Variants in KPNA3 observed in about 807,000 individuals in gnomAD.
KPNA3 encodes importin subunit alpha-4.
KPNA3 carries 13 observed loss-of-function variants against 73.8 expected under a neutral mutation model. That is an observed-to-expected ratio of 0.18 (90% CI 0.11 to 0.28). The LOEUF is 0.28. Ranked by LOEUF, KPNA3 falls within the 10% of genes least tolerant of loss-of-function variation. The pLI is 1.00. For synonymous variants in KPNA3, 186 were observed against 206.9 expected, an observed-to-expected ratio of 0.90 and a Z score of 0.87; for missense variants, 360 against 618.1, an observed-to-expected ratio of 0.58 and a Z score of 4.43.
chr13:49,747,995 T>C (rs1409339289), intron 1 of KPNA3, among the ~76,000 whole-genome samples: 2 of 152,152 alleles, frequency 1.3e-5, no homozygotes, highest in Non-Finnish European at 2.9e-5. Flanking sequence ...TCTATAACTC[T>C]GAATCTTAAG....
Position 49,741,470 on chromosome 13 carries a change from T to G in KPNA3, c.114+5479A>C, listed in dbSNP as rs541212179. ...GCTCTTTTGCCCTTTTTTTTTTTTT[T>G]TGAGATGGAGTCTTGTTCTGTCACC... On this transcript the variant is annotated intron_variant, in intron 2 of 16. Coordinates refer to ENST00000261667, the MANE Select transcript of KPNA3 (RefSeq NM_002267.4). Among the ~76,000 whole-genome samples, 13 of 151,942 alleles carry G rather than the reference T, an allele frequency of 8.6e-5. No individual in the cohort carries two copies. The East Asian group carries it at 2.5e-3, about 29-fold the overall frequency.
chr13:49,744,570 T>G (rs1954600575), intron 2 of KPNA3, among the ~76,000 whole-genome samples: 1 of 152,220 alleles, frequency 6.6e-6, no homozygotes, highest in African/African-American at 2.4e-5. Flanking sequence ...GCTACTGGAC[T>G]AATTACATAG....
At position 49,750,489 on chromosome 13, in the gene KPNA3, T is replaced by C. The variant is rs567801416; in HGVS notation, c.70-3496A>G. On this transcript the variant is annotated intron_variant, in intron 1 of 16. Coordinates refer to ENST00000261667, the MANE Select transcript of KPNA3 (RefSeq NM_002267.4). ...CATTTTTTGTAGAGGTAGTATCTCA[T>C]TGTGCTCATGTGTGCACCTACAGTT... Among the ~76,000 whole-genome samples the C allele has an allele frequency of 3.0e-4, 45 of 152,198 alleles. No individual in the cohort carries two copies. In the South Asian group the frequency reaches 8.7e-3, roughly 29 times the overall value.
chr13:49,700,709 A>C lies in KPNA3; in HGVS notation c.*1091T>G, dbSNP rs1446939515. 6.6e-6 allele frequency: 1 copy of C among 152,658 alleles called. No homozygotes were observed. The allele number at this position is 152,658 out of a possible 1,614,324, so 9.5% of individuals were successfully genotyped here. A position where few individuals can be genotyped will look rare whatever the true frequency, so the allele number is the denominator to read the frequency against. The stretch of plus-strand genomic sequence containing the variant: ...GGTTTGTTGCCAACCACATTATCAA[A>C]AGCACTGGTTACTAAGTAAAAAATA... On this transcript the variant is annotated 3_prime_UTR_variant, in exon 17 of 17. Coordinates refer to ENST00000261667, the MANE Select transcript of KPNA3 (RefSeq NM_002267.4).
chr13:49,716,583 C>T (rs1954306025), intron 10 of KPNA3, among the ~76,000 whole-genome samples: 1 of 152,076 alleles, frequency 6.6e-6, no homozygotes, highest in Non-Finnish European at 1.5e-5. Flanking sequence ...GGATTACAGG[C>T]ACGCATCATG....
chr13:49,716,450 T>A (rs1023174990), intron 10 of KPNA3, among the ~76,000 whole-genome samples: 3 of 152,166 alleles, frequency 2.0e-5, no homozygotes, highest in Non-Finnish European at 2.9e-5. Context: ...TTTAATTATT[T>A]TTTTTTAACA....
At chr13:49,732,196 G>A (rs1382721102) in intron 6 of KPNA3, among the ~76,000 whole-genome samples, 175 bp downstream of exon 6, 3 of 152,030 alleles carry the variant, frequency 2.0e-5, no homozygotes, top group African/African-American at 7.2e-5. Context: ...AAATGAAAAC[G>A]AGAAGCACTC....
Position 49,792,069 on chromosome 13 carries a change from G to A in KPNA3, c.69+369C>T, listed in dbSNP as rs542227325. Among the ~76,000 whole-genome samples the A allele has an allele frequency of 2.0e-3, 310 of 152,274 alleles. 1 individual carries two copies. The highest frequency in any genetic ancestry group is 5.7e-3 in the African/African-American group (236 of 41,572). On this transcript the variant is annotated intron_variant, in intron 1 of 16. Transcript: ENST00000261667. ...GCACCGGTGGCGGGCGCAAGCAGCG[G>A]CCGCCCCCTCGGCTGTGCGGTCGGA...
chr13:49,764,118 GTTTGTTTTGTTTTGT>G (rs143847411), intron 1 of KPNA3, among the ~76,000 whole-genome samples: 62,194 of 146,422 alleles, frequency 0.42, 13,683 homozygotes, highest in South Asian at 0.59. Flanking sequence ...AGTCTGTTGG[GTTTGTTTTGTTTTGT>G]TTTGTTTTGT....
chr13:49,775,620 CG>C (rs1566360019), intron 1 of KPNA3, among the ~76,000 whole-genome samples: 2 of 152,140 alleles, frequency 1.3e-5, no homozygotes, highest in Non-Finnish European at 2.9e-5. Context: ...AAGAAGCCCT[CG>C]CAAATCTCTA....
intron 16 of KPNA3, 30 bp from the exon 17 acceptor site, chr13:49,701,928 A>G (rs757249420): frequency 3.5e-6 from 5 of 1,411,544 alleles, no homozygotes; most frequent in East Asian, 4.6e-5. Context: ...AATCCTTATT[A>G]GGTTATGATA....
At chr13:49,743,067 T>C (rs933387907) in intron 2 of KPNA3, among the ~76,000 whole-genome samples, 2 of 152,122 alleles carry the variant, frequency 1.3e-5, no homozygotes, top group Admixed American at 1.3e-4. Context: ...AGATGGATAG[T>C]GAATGTGGTT....
At chr13:49,757,273 AT>A (rs1416868719) in intron 1 of KPNA3, among the ~76,000 whole-genome samples, 1 of 144,432 alleles carries the variant, frequency 6.9e-6, no homozygotes, top group Non-Finnish European at 1.5e-5. Context: ...AAAAAAAAAA[AT>A]TTGCAACCAC....
In KPNA3 at chr13:49,725,492, T is replaced by C. The variant is rs748505858; in HGVS notation, c.393A>G (p.Leu131=). The change falls in exon 7 of 17, where the codon TTA becomes TTG. Residue 131 remains leucine, a synonymous_variant. Coordinates refer to ENST00000261667, the MANE Select transcript of KPNA3 (RefSeq NM_002267.4). The part of the protein sequence containing the change: ...KCLERDDNPS[L]QFEAAWALTN... ...TTAATGCCCAAGCAGCTTCAAACTG[T>C]AATGAAGGACTGTAAAAAAACAATA... 8 of 1,603,782 alleles carry C rather than the reference T, an allele frequency of 5.0e-6. No homozygotes were observed. The highest frequency in any genetic ancestry group is 6.8e-6 in the Non-Finnish European group (8 of 1,173,482).
intron 6 of KPNA3, among the ~76,000 whole-genome samples, chr13:49,728,754 G>C (rs1308309196): frequency 6.6e-6 from 1 of 152,164 alleles, no homozygotes; most frequent in Non-Finnish European, 1.5e-5. Context: ...TTTTGAGAAA[G>C]TCAGCCAAAG....
Position 49,706,283 on chromosome 13 carries a change from A to G in KPNA3, c.1122T>C (p.Ile374=), listed in dbSNP as rs767760102. The G allele has an allele frequency of 8.1e-6, 13 of 1,613,894 alleles. No individual in the cohort carries two copies. Among genetic ancestry groups the G allele is most frequent in the Non-Finnish European group, 1.1e-5 (13 of 1,179,862 alleles). Residue 374 remains isoleucine (I), a synonymous_variant, in exon 13 of 17, where the codon ATT becomes ATC. Transcript: ENST00000261667. ...TATGACCAACCTTAGCAAGCTGATG[A>G]ATTATCATAGGAATTAATCCAGCAT... ...VIDAGLIPMI[I]HQLAKGDFGT...
intron 15 of KPNA3, among the ~76,000 whole-genome samples, chr13:49,703,143 C>G (rs954133220): frequency 6.6e-6 from 1 of 150,738 alleles, no homozygotes; most frequent in South Asian, 2.1e-4. Context: ...GCTGGGATTA[C>G]AGGCGTGAGC....
chr13:49,702,362 C>A, intron 16 of KPNA3, 24 bp downstream of exon 16: 1 of 1,140,496 alleles, frequency 8.8e-7, no homozygotes, highest in South Asian at 1.3e-5. Context: ...CATGAAGATA[C>A]ACGCTATTTT....
At chr13:49,778,649 G>A (rs534614437) in intron 1 of KPNA3, among the ~76,000 whole-genome samples, 1 of 151,954 alleles carries the variant, frequency 6.6e-6, no homozygotes, top group Non-Finnish European at 1.5e-5. Flanking sequence ...TTGTTTTTTT[G>A]TTGTTGTTTT....
Sources: gnomAD v4.1 joint callset for allele counts (sites outside exome capture counted in the v4.1 genomes callset) on GRCh38, gnomAD v4.1.1 for gene constraint, MANE v1.5 for transcripts, NCBI Gene and HGNC (gene_info 2026-07-23, HGNC 2026-07-21) for gene names.